Variants in DDHD2 observed in about 807,000 individuals in gnomAD.
DDHD2 encodes the protein DDHD domain containing 2.
In DDHD2, 62 loss-of-function variants were observed where a neutral mutation model predicts 91.2. That is an observed-to-expected ratio of 0.68 (90% confidence interval 0.55 to 0.84). The LOEUF is 0.84. DDHD2 is among the 40% of genes least tolerant of loss of function. The probability of loss-of-function intolerance (pLI) is 0.00; values close to 1 mark genes in which losing one functional copy is unlikely to be tolerated. For missense variants in DDHD2, 740 were observed against 846.9 expected, an observed-to-expected ratio of 0.87 and a Z score of 1.57; for synonymous variants, 271 against 293.9, an observed-to-expected ratio of 0.92 and a Z score of 0.80.
In DDHD2 at chr8:38,253,642, G is replaced by C. The variant is rs375168720; in HGVS notation, c.1978G>C (p.Asp660His). 1.3e-4 allele frequency: 214 copies of C among 1,614,104 alleles called. No individual in the cohort carries two copies. Among genetic ancestry groups the C allele is most frequent in the Non-Finnish European group, 1.7e-4 (205 of 1,179,936 alleles). ...VGMLNGGQRI[D>H]YVLQEKPIES... is the part of the protein sequence containing the mutation. Reference sequence around the variant, plus strand: ...GATGCTGAATGGAGGCCAACGCATTGACTATGTGCTACAGGAGAAGCCTAT... The same window carrying C: ...GATGCTGAATGGAGGCCAACGCATTCACTATGTGCTACAGGAGAAGCCTAT... Residue 660 changes from aspartate (D) to histidine (H), a missense_variant, in exon 16 of 18, where the codon GAC (aspartate) becomes CAC (histidine). Coordinates refer to ENST00000397166, the MANE Select transcript of DDHD2 (RefSeq NM_015214.3).
intron 7 of DDHD2, among the ~76,000 whole-genome samples, chr8:38,243,431 TTTTTG>T (rs1805391464): frequency 6.6e-6 from 1 of 152,186 alleles, no homozygotes; most frequent in Non-Finnish European, 1.5e-5. Flanking sequence ...CCTTTTACAT[TTTTTG>T]TTTTGTCTTT....
At position 38,253,710 on chromosome 8, in the gene DDHD2, A is replaced by G. The variant is rs1397588018; in HGVS notation, c.2046A>G (p.Leu682=). 6 of 1,613,380 alleles carry G rather than the reference A, an allele frequency of 3.7e-6. No individual in the cohort carries two copies. The highest frequency in any genetic ancestry group is 1.7e-4 in the Middle Eastern group (1 of 6,058). The change falls in exon 16 of 18, where the codon CTA becomes CTG. Residue 682 remains leucine (L), a synonymous_variant. Transcript: ENST00000397166. ...NEYLFALQSH[L]CYWESEDTVL... ...ATTTATTTGCTTTACAAAGCCATCT[A>G]TGCTACTGGTAAATGTTGTTTATTT...
intron 3 of DDHD2, among the ~76,000 whole-genome samples, chr8:38,237,284 G>A (rs1222373670): frequency 6.6e-6 from 1 of 152,100 alleles, no homozygotes; most frequent in African/African-American, 2.4e-5. Context: ...ACTGAGGCAA[G>A]AGAACTGCTT....
intron 16 of DDHD2, among the ~76,000 whole-genome samples, chr8:38,256,475 T>C (rs1806518846): frequency 6.6e-6 from 1 of 152,016 alleles, no homozygotes; most frequent in Admixed American, 6.6e-5. Context: ...CATGTGCCAC[T>C]GGGCCTAATT....
chr8:38,242,393 ATACT>A lies in DDHD2; in HGVS notation c.848+11_848+14del. ...TTCTACTGGTGTGGATGTGTGAGTA[ATACT>A]TAATACCTTCGAGTTGTTAGCTGTG... On this transcript the variant is annotated intron_variant, in intron 7 of 17. Coordinates refer to ENST00000397166, the MANE Select transcript of DDHD2 (RefSeq NM_015214.3). 1 of 1,606,710 alleles carries A rather than the reference ATACT, an allele frequency of 6.2e-7. No homozygotes were observed.
rs375064450 is a variant in DDHD2 at position 38,252,980 on chromosome 8, A to T, written c.1744A>T (p.Met582Leu). Reference protein sequence around the residue: ...HLELREGLTRMSMDLKNNLLG... With the variant: ...HLELREGLTRLSMDLKNNLLG... Reference sequence around the variant, plus strand: ...AGAACTGAGAGAGGGCTTGACCAGGATGAGTATGGACCTTAAGAACAACTT... The same window carrying T: ...AGAACTGAGAGAGGGCTTGACCAGGTTGAGTATGGACCTTAAGAACAACTT... The change falls in exon 15 of 18, where the codon ATG becomes TTG. Residue 582 changes from methionine (M) to leucine (L), a missense_variant. Met to Leu is a conservative substitution (Grantham distance 15, BLOSUM62 2). Around this residue, in one of 2 missense-constraint regions of DDHD2, gnomAD observed 693 missense variants for 764.2 expected, o/e 0.91. Coordinates refer to ENST00000397166, the MANE Select transcript of DDHD2 (RefSeq NM_015214.3). 8.8e-5 allele frequency: 142 copies of T among 1,614,048 alleles called. 1 individual carries two copies. The highest frequency in any genetic ancestry group is 1.2e-4 in the Non-Finnish European group (137 of 1,180,018).
At chr8:38,243,441 G>T (rs1159595234) in intron 7 of DDHD2, among the ~76,000 whole-genome samples, 2 of 151,922 alleles carry the variant, frequency 1.3e-5, no homozygotes, top group East Asian at 1.9e-4. Context: ...TTTTTGTTTT[G>T]TCTTTTTAGA....
At chr8:38,254,590 T>TA (rs1806364102) in intron 16 of DDHD2, among the ~76,000 whole-genome samples, 1 of 152,114 alleles carries the variant, frequency 6.6e-6, no homozygotes, top group African/African-American at 2.4e-5. Flanking sequence ...CAGGCTGGTC[T>TA]AAACTTCAAG....
chr8:38,242,942 A>G (rs1187250511), intron 7 of DDHD2, among the ~76,000 whole-genome samples: 1 of 152,184 alleles, frequency 6.6e-6, no homozygotes, highest in East Asian at 1.9e-4. Flanking sequence ...ATATCTAGCT[A>G]TGGGGCTCTC....
At chr8:38,250,970 G>A (rs958127457) in intron 11 of DDHD2, 3 of 152,092 alleles carry the variant, frequency 2.0e-5, no homozygotes, top group Admixed American at 6.6e-5. Flanking sequence ...ATAATATTCT[G>A]AAGGTTTACC....
At chr8:38,253,796 T>G in intron 16 of DDHD2, 78 bp downstream of exon 16, 2 of 1,445,704 alleles carry the variant, frequency 1.4e-6, no homozygotes, top group South Asian at 2.5e-5. Flanking sequence ...AAAAGGAGGA[T>G]AGGCCAGGTG....
downstream of DDHD2, chr8:38,264,873 G>T (rs1320355308): frequency 3.1e-6 from 5 of 1,610,624 alleles, no homozygotes; most frequent in Non-Finnish European, 4.2e-6. Flanking sequence ...TACTAAATTA[G>T]AATTTTTCTA....
rs1806301846 is a variant in DDHD2, at chr8:38,253,829, C to T, written c.2054+111C>T. The T allele has an allele frequency of 7.7e-6, 9 of 1,162,438 alleles. No individual in the cohort carries two copies. In the East Asian group the frequency reaches 1.9e-4, roughly 25 times the overall value. 72.0% of individuals were successfully genotyped at this position (1,162,438 alleles called of 1,614,324 possible). ...GTGCATTGGCTCAGGCTTATAATCT[C>T]AGCACTTTGGGAGGCCAAGGTGGGA... On this transcript the variant is annotated intron_variant, in intron 16 of 17. Transcript: ENST00000397166.
Position 38,261,114 on chromosome 8 carries a change from C to A in DDHD2, c.*541C>A, listed in dbSNP as rs991488255. 2 of 152,130 alleles carry A rather than the reference C, an allele frequency of 1.3e-5. No homozygotes were observed. The highest frequency in any genetic ancestry group is 2.4e-5 in the African/African-American group (1 of 41,436). 9.4% of individuals were successfully genotyped at this position (152,130 alleles called of 1,614,324 possible). On this transcript the variant is annotated 3_prime_UTR_variant, in exon 18 of 18. Coordinates refer to ENST00000397166, the MANE Select transcript of DDHD2 (RefSeq NM_015214.3). ...GTGATTTATTTTTGAACCTGCATTT[C>A]TTTCTTATGTGTAGTGTATGAAGAA... is the stretch of plus-strand genomic sequence containing the variant.
rs1172735093 is a variant in DDHD2, at chr8:38,261,406, T to C, written c.*833T>C. 2.0e-5 allele frequency: 3 copies of C among 152,238 alleles called. No individual in the cohort carries two copies. Among genetic ancestry groups the C allele is most frequent in the Non-Finnish European group, 2.9e-5 (2 of 68,042 alleles). The allele number at this position is 152,238 out of a possible 1,614,324, so 9.4% of individuals were successfully genotyped here. On this transcript the variant is annotated 3_prime_UTR_variant, in exon 18 of 18. Transcript: ENST00000397166. ...GTTGTAAAAGCTGATGAACCTGAAA[T>C]TGTGTAGCCTCTACAGGCTGCTGAG... is the stretch of plus-strand genomic sequence containing the variant.
downstream of DDHD2, chr8:38,267,629 C>G (rs1807850304): frequency 1.6e-6 from 1 of 620,208 alleles, no homozygotes; most frequent in African/African-American, 1.8e-5. Context: ...CAGCAAATGA[C>G]ACTGCAGCTT....
At chr8:38,236,113 T>C (rs1350981335) in intron 3 of DDHD2, among the ~76,000 whole-genome samples, 2 of 150,070 alleles carry the variant, frequency 1.3e-5, no homozygotes, top group Non-Finnish European at 3.0e-5. Flanking sequence ...CCTGGGTTCT[T>C]GCCATTCTCC....
chr8:38,265,029 G>T, downstream of DDHD2: 2 of 971,166 alleles, frequency 2.1e-6, no homozygotes, highest in South Asian at 2.6e-5. Flanking sequence ...AGCACTTTGG[G>T]AGGACCAGGC....
Position 38,268,894 on chromosome 8 carries a change from G to A in DDHD2, n.88-2228G>A, listed in dbSNP as rs766722699. The A allele has an allele frequency of 7.1e-6, 11 of 1,551,094 alleles. No homozygotes were observed. The African/African-American group carries it at 1.5e-4, about 22-fold the overall frequency. Reference sequence around the variant, plus strand: ...TTTCTCCACGCACAAACATCGGCTTGGTGGGGAAATACTCCGCCTCCACGT... The same window carrying A: ...TTTCTCCACGCACAAACATCGGCTTAGTGGGGAAATACTCCGCCTCCACGT... On this transcript the variant is annotated intron_variant and non_coding_transcript_variant, in intron 1 of 1. Coordinates refer to the DDHD2 transcript ENST00000526071.
Sources: allele counts gnomAD v4.1 joint callset (sites outside exome capture counted in the v4.1 genomes callset), GRCh38; gene constraint gnomAD v4.1.1; regional missense constraint gnomAD v4.1.1; transcripts MANE v1.5; gene names NCBI Gene and HGNC (gene_info 2026-07-23, HGNC 2026-07-21).